NR6A1: variants seen among roughly 807,000 people sequenced by gnomAD.
NR6A1 encodes retinoic acid receptor-related testis-associated receptor.
A neutral mutation model predicts 59.1 loss-of-function variants in NR6A1; 7 were observed. That is an observed-to-expected ratio of 0.12 (90% CI 0.07 to 0.22). The LOEUF (loss-of-function observed/expected upper bound fraction) is 0.22, where lower values mean the gene tolerates loss of function less well. Among genes scored for constraint, NR6A1 ranks in the 10% least tolerant of loss-of-function variants. The pLI, the probability that NR6A1 is intolerant of heterozygous loss-of-function variation, is 1.00. For missense variants in NR6A1, 468 were observed against 611.6 expected (o/e 0.77, Z 2.48); for synonymous variants, 243 against 236.1 (o/e 1.03, Z -0.27).
intron 2 of NR6A1, among the ~76,000 whole-genome samples, chr9:124,701,787 A>G (rs1564244978): frequency 6.6e-6 from 1 of 152,172 alleles, no homozygotes; most frequent in Non-Finnish European, 1.5e-5. Flanking sequence ...GCAGTGGCAC[A>G]ATCTCGGCTC....
intron 2 of NR6A1, among the ~76,000 whole-genome samples, chr9:124,561,126 T>A (rs1427646783): frequency 6.6e-6 from 1 of 151,926 alleles, no homozygotes. Context: ...TAAATTATAT[T>A]AATAATTTTT....
intron 1 of NR6A1, among the ~76,000 whole-genome samples, chr9:124,753,561 A>T (rs1416973814): frequency 6.6e-6 from 1 of 152,226 alleles, no homozygotes; most frequent in Non-Finnish European, 1.5e-5. Context: ...TTTCAACTCT[A>T]AGCCTCAGTT....
At chr9:124,717,702 T>C (rs1018352280) in intron 2 of NR6A1, among the ~76,000 whole-genome samples, 3 of 152,198 alleles carry the variant, frequency 2.0e-5, no homozygotes, top group African/African-American at 4.8e-5. Flanking sequence ...ATGCGTTTCA[T>C]TGCATGTAAG....
At chr9:124,761,891 G>T (rs1400680624) in intron 1 of NR6A1, among the ~76,000 whole-genome samples, 1 of 152,160 alleles carries the variant, frequency 6.6e-6, no homozygotes, top group Non-Finnish European at 1.5e-5. Flanking sequence ...TAAGCAACAG[G>T]TTTCATGTAG....
chr9:124,723,195 T>C (rs902212750), intron 2 of NR6A1, among the ~76,000 whole-genome samples: 4 of 152,184 alleles, frequency 2.6e-5, no homozygotes, highest in African/African-American at 9.7e-5. Flanking sequence ...ATGGTAATAG[T>C]CAGATTTTAA....
At chr9:124,704,063 TATAAGGTCTC>T (rs1216928545) in intron 2 of NR6A1, among the ~76,000 whole-genome samples, 2 of 152,226 alleles carry the variant, frequency 1.3e-5, no homozygotes, top group Non-Finnish European at 2.9e-5. Flanking sequence ...TTTTAACTGT[TATAAGGTCTC>T]ATTTTCTATT....
chr9:124,588,879 C>T (rs1484242865), intron 2 of NR6A1, among the ~76,000 whole-genome samples: 1 of 143,756 alleles, frequency 7.0e-6, no homozygotes, highest in African/African-American at 2.6e-5. Flanking sequence ...GAGATCGTGC[C>T]ACTGCACTCC....
At chr9:124,594,461 T>C (rs1835215255) in intron 2 of NR6A1, among the ~76,000 whole-genome samples, 1 of 152,202 alleles carries the variant, frequency 6.6e-6, no homozygotes, top group Non-Finnish European at 1.5e-5. Flanking sequence ...ATGTAATTAC[T>C]GCTCTGGGAC....
intron 2 of NR6A1, among the ~76,000 whole-genome samples, chr9:124,620,377 T>C (rs1220641281): frequency 6.6e-6 from 1 of 152,190 alleles, no homozygotes; most frequent in Non-Finnish European, 1.5e-5. Context: ...AATGAAAACA[T>C]ATGTCCAAAG....
intron 2 of NR6A1, among the ~76,000 whole-genome samples, chr9:124,661,312 A>G (rs755789038): frequency 6.6e-6 from 1 of 152,216 alleles, no homozygotes; most frequent in Non-Finnish European, 1.5e-5. Context: ...ATACTTCTCC[A>G]ATCTCAAGAA....
intron 2 of NR6A1, among the ~76,000 whole-genome samples, chr9:124,691,266 A>C (rs1055299427): frequency 6.6e-6 from 1 of 152,220 alleles, no homozygotes; most frequent in African/African-American, 2.4e-5. Context: ...TTAAACTGAT[A>C]TAGAAGGTAA....
chr9:124,536,223 G>A, intron 6 of NR6A1, 91 bp from the exon 7 acceptor site: 3 of 1,442,986 alleles, frequency 2.1e-6, no homozygotes, highest in Non-Finnish European at 2.8e-6. Context: ...GGCACAAAGG[G>A]ACCCTGGCAA....
intron 2 of NR6A1, among the ~76,000 whole-genome samples, chr9:124,570,539 A>T (rs1834409654): frequency 6.6e-6 from 1 of 152,350 alleles, no homozygotes; most frequent in Middle Eastern, 3.4e-3. Flanking sequence ...GAGGGCAAGA[A>T]AACAAAAATT....
Position 124,520,592 on chromosome 9 carries a change from CAGAT to C in NR6A1, c.*2109_*2112del, listed in dbSNP as rs1338154058. On this transcript the variant is annotated 3_prime_UTR_variant, in exon 10 of 10. Transcript: ENST00000487099. The stretch of plus-strand genomic sequence containing the variant: ...AGCAATTTCAAAAATAATAATTGGA[CAGAT>C]AGAGGCCTCAGCAAAGAACGATGCT... 6.6e-6 allele frequency: 1 copy of C among 152,166 alleles called. No individual in the cohort carries two copies. The highest frequency in any genetic ancestry group is 2.4e-5 in the African/African-American group (1 of 41,444). The allele number at this position is 152,166 out of a possible 1,614,324, so 9.4% of individuals were successfully genotyped here.
At chr9:124,685,451 C>G (rs1248030179) in intron 2 of NR6A1, among the ~76,000 whole-genome samples, 3 of 152,166 alleles carry the variant, frequency 2.0e-5, no homozygotes, top group African/African-American at 7.2e-5. Context: ...ACCTCAGCCT[C>G]CTATGTAGCT....
intron 5 of NR6A1, among the ~76,000 whole-genome samples, chr9:124,538,598 A>C (rs1833352772): frequency 6.6e-6 from 1 of 152,198 alleles, no homozygotes; most frequent in Admixed American, 6.5e-5. Flanking sequence ...AATTCTTTGT[A>C]TAGGTGCCAT....
intron 2 of NR6A1, among the ~76,000 whole-genome samples, chr9:124,699,530 C>G (rs993275209): frequency 1.3e-5 from 2 of 152,206 alleles, no homozygotes; most frequent in Admixed American, 1.3e-4. Flanking sequence ...AGCAAATAAT[C>G]AGTGGGGCCC....
At chr9:124,745,732 T>C (rs1347914953) in intron 1 of NR6A1, among the ~76,000 whole-genome samples, 1 of 136,344 alleles carries the variant, frequency 7.3e-6, no homozygotes, top group East Asian at 2.3e-4. Context: ...TCTGTAATCC[T>C]AGCTTTGGGA....
At chr9:124,679,434 TA>T (rs1564233207) in intron 2 of NR6A1, among the ~76,000 whole-genome samples, 1 of 152,132 alleles carries the variant, frequency 6.6e-6, no homozygotes, top group Non-Finnish European at 1.5e-5. Context: ...CTAAATGTAG[TA>T]TCAACTCAAC....
Sources: allele counts gnomAD v4.1 joint callset (sites outside exome capture counted in the v4.1 genomes callset), GRCh38; gene constraint gnomAD v4.1.1; transcripts MANE v1.5; gene names NCBI Gene and HGNC (gene_info 2026-07-23, HGNC 2026-07-21).